The following TSHZ3 variants were observed in gnomAD, a reference collection of about 807,000 sequenced individuals.
TSHZ3 encodes the protein teashirt zinc finger homeobox 3.
In TSHZ3, 10 loss-of-function variants were observed where a neutral mutation model predicts 64.5. The ratio of observed to expected loss-of-function variants is 0.16; its 90% CI spans 0.10 to 0.26. The LOEUF (loss-of-function observed/expected upper bound fraction) is 0.26, where lower values mean the gene tolerates loss of function less well. TSHZ3 is among the 10% of genes least tolerant of loss of function. The pLI is 1.00. For synonymous variants in TSHZ3, 608 were observed against 593.1 expected (o/e 1.03, Z -0.36); for missense variants, 1,242 against 1,421.7 (o/e 0.87, Z 2.03).
intron 1 of TSHZ3, among the ~76,000 whole-genome samples, chr19:31,331,005 G>C (rs565085258): frequency 2.0e-5 from 3 of 152,158 alleles, no homozygotes; most frequent in Non-Finnish European, 4.4e-5. Context: ...TAGCAAAGAC[G>C]GGCTTCCTAA....
At chr19:31,330,408 G>A (rs969054151) in intron 1 of TSHZ3, among the ~76,000 whole-genome samples, 3 of 152,182 alleles carry the variant, frequency 2.0e-5, no homozygotes, top group South Asian at 2.1e-4. Flanking sequence ...CTGCTTGGCC[G>A]TACCTTGAGG....
At chr19:31,195,527 T>A (rs1179708906) in intron 5 of TSHZ3, 1 of 150,710 alleles carries the variant, frequency 6.6e-6, no homozygotes, top group Non-Finnish European at 1.5e-5. Context: ...AGAAATAGAC[T>A]TTTTATACAA....
At chr19:31,186,696 C>A (rs975378868) in intron 5 of TSHZ3, among the ~76,000 whole-genome samples, 3 of 152,180 alleles carry the variant, frequency 2.0e-5, no homozygotes, top group African/African-American at 7.2e-5. Flanking sequence ...AGCTCTGCAA[C>A]CTGTTTATTC....
At chr19:31,225,076 G>A (rs1029709561) in intron 4 of TSHZ3, among the ~76,000 whole-genome samples, 3 of 152,194 alleles carry the variant, frequency 2.0e-5, no homozygotes, top group Admixed American at 2.0e-4. Context: ...AAATTCTACT[G>A]CACCCTGACT....
At chr19:31,237,173 A>G (rs1975629155) in intron 3 of TSHZ3, among the ~76,000 whole-genome samples, 3 of 152,016 alleles carry the variant, frequency 2.0e-5, no homozygotes, top group Admixed American at 1.3e-4. Context: ...ACAAAAAACA[A>G]TCAACAGAGT....
At chr19:31,349,002 G>GCCTGCTGCT in intron 1 of TSHZ3, 178 bp downstream of exon 1, 1 of 760,696 alleles carries the variant, frequency 1.3e-6, no homozygotes, top group Non-Finnish European at 2.0e-6. Flanking sequence ...GCGGCGGGGC[G>GCCTGCTGCT]TCCGGGGGGC....
At chr19:31,314,092 G>C (rs771575681) in intron 1 of TSHZ3, among the ~76,000 whole-genome samples, 25 of 152,160 alleles carry the variant, frequency 1.6e-4, no homozygotes, top group Non-Finnish European at 3.7e-4. Context: ...GATGCAATTG[G>C]AAGATGCTTG....
In TSHZ3 at chr19:31,276,601, G is replaced by A. The variant is rs201875959; in HGVS notation, c.3192C>T (p.His1064=). The A allele has an allele frequency of 8.8e-6, 14 of 1,596,436 alleles. No homozygotes were observed. The highest frequency in any genetic ancestry group is 8.5e-5 in the Admixed American group (5 of 58,906). ...HAVKLHLSKT[H]GKSPEDHLLY... ...GAAGGTGGTCTTCCGGAGATTTCCC[G>A]TGTGTTTTGCTAAGGTGAAGTTTAA... Residue 1064 remains histidine (H), a synonymous_variant, in exon 2 of 2, where the codon CAC becomes CAT. Coordinates refer to ENST00000240587, the MANE Select transcript of TSHZ3 (RefSeq NM_020856.4).
Position 31,155,962 on chromosome 19 carries a change from A to G in TSHZ3, n.871+394T>C, listed in dbSNP as rs534564500. On this transcript the variant is annotated intron_variant and non_coding_transcript_variant, in intron 6 of 6. Transcript: ENST00000651361. ...TGATGCACAATAAGAATATACCCTG[A>G]ATAATGATCTAATGATCACATTGCT... Among the ~76,000 whole-genome samples the G allele has an allele frequency of 1.7e-3, 257 of 152,358 alleles. 1 individual carries two copies. Among genetic ancestry groups the G allele is most frequent in the African/African-American group, 5.7e-3 (238 of 41,590 alleles).
At chr19:31,261,134 A>G (rs2145198905) in intron 1 of TSHZ3, among the ~76,000 whole-genome samples, 1 of 152,294 alleles carries the variant, frequency 6.6e-6, no homozygotes, top group African/African-American at 2.4e-5. Context: ...ATGGGTGCTC[A>G]GGGTGCCCAA....
At chr19:31,233,861 T>G (rs1482882741) in intron 3 of TSHZ3, among the ~76,000 whole-genome samples, 2 of 152,078 alleles carry the variant, frequency 1.3e-5, no homozygotes, top group African/African-American at 4.8e-5. Flanking sequence ...TTTCGTTCTT[T>G]TTAAAGATTG....
At chr19:31,185,313 T>TC (rs985642178) in intron 5 of TSHZ3, among the ~76,000 whole-genome samples, 1 of 152,160 alleles carries the variant, frequency 6.6e-6, no homozygotes, top group Non-Finnish European at 1.5e-5. Flanking sequence ...AGGCAACTTC[T>TC]CCCTCGCTTC....
At chr19:31,241,259 C>T (rs1975684869) in intron 3 of TSHZ3, among the ~76,000 whole-genome samples, 1 of 152,144 alleles carries the variant, frequency 6.6e-6, no homozygotes, top group South Asian at 2.1e-4. Flanking sequence ...TCCCAAGCCC[C>T]TCTAATTTGA....
At chr19:31,160,272 A>T (rs1345001272) in intron 5 of TSHZ3, among the ~76,000 whole-genome samples, 2 of 152,316 alleles carry the variant, frequency 1.3e-5, no homozygotes, top group Non-Finnish European at 2.9e-5. Context: ...GGTGGTGTGC[A>T]CGTGTTAGAC....
At chr19:31,296,327 ATTTTTTTT>A (rs35057697) in intron 1 of TSHZ3, among the ~76,000 whole-genome samples, 144 of 94,022 alleles carry the variant, frequency 1.5e-3, no homozygotes, top group Middle Eastern at 8.1e-3. Context: ...AGTGCTGTGA[ATTTTTTTT>A]TTTTTTTTTT....
rs1449923784 is a variant in TSHZ3, at chr19:31,275,401, T to C, written c.*1146A>G. On this transcript the variant is annotated 3_prime_UTR_variant, in exon 2 of 2. Coordinates refer to ENST00000240587, the MANE Select transcript of TSHZ3 (RefSeq NM_020856.4). ...CAGTACAAACATTTTAAAGGCTTTA[T>C]CAATGTTTAGGAAATACAGTACAAG... 2 of 152,382 alleles carry C rather than the reference T, an allele frequency of 1.3e-5. No homozygotes were observed. The highest frequency in any genetic ancestry group is 2.9e-5 in the Non-Finnish European group (2 of 67,996). 9.4% of individuals were successfully genotyped at this position (152,382 alleles called of 1,614,324 possible).
intron 1 of TSHZ3, among the ~76,000 whole-genome samples, chr19:31,263,632 G>T (rs895274950): frequency 6.6e-6 from 1 of 152,124 alleles, no homozygotes; most frequent in Non-Finnish European, 1.5e-5. Context: ...GGCCAAGAGA[G>T]GGGGGACAGT....
At chr19:31,202,335 G>C (rs1975099745) in intron 5 of TSHZ3, among the ~76,000 whole-genome samples, 1 of 152,068 alleles carries the variant, frequency 6.6e-6, no homozygotes, top group Non-Finnish European at 1.5e-5. Context: ...TAGATGTCTA[G>C]ATATCGCTGT....
chr19:31,153,072 C>T (rs186146900), intron 6 of TSHZ3, among the ~76,000 whole-genome samples: 104 of 152,268 alleles, frequency 6.8e-4, no homozygotes, highest in African/African-American at 2.5e-3. Flanking sequence ...GTGTAATTAT[C>T]TCACTGGATG....
Sources: allele counts gnomAD v4.1 joint callset (sites outside exome capture counted in the v4.1 genomes callset), GRCh38; gene constraint gnomAD v4.1.1; transcripts MANE v1.5; gene names NCBI Gene and HGNC (gene_info 2026-07-23, HGNC 2026-07-21).